The following CFAP20DC variants were observed in gnomAD, a reference collection of about 807,000 sequenced individuals.
CFAP20DC encodes CFAP20 domain containing, also known as protein CFAP20DC.
In CFAP20DC, 84 loss-of-function variants were observed where a neutral mutation model predicts 101.7. The observed-to-expected ratio is 0.83, with a 90% CI of 0.69 to 0.99. The LOEUF (loss-of-function observed/expected upper bound fraction) is 0.99, where lower values mean the gene tolerates loss of function less well. Among genes scored for constraint, CFAP20DC ranks in the 50% least tolerant of loss-of-function variants. CFAP20DC has a pLI of 0.00. For synonymous variants in CFAP20DC, 359 were observed against 351.2 expected, an observed-to-expected ratio of 1.02 and a Z score of -0.25; for missense variants, 1,007 against 970.3, an observed-to-expected ratio of 1.04 and a Z score of -0.50.
chr3:59,038,068 G>A (rs988638090), intron 4 of CFAP20DC, among the ~76,000 whole-genome samples: 5 of 152,042 alleles, frequency 3.3e-5, no homozygotes, highest in African/African-American at 1.2e-4. Context: ...TAAGTAAGAG[G>A]TGAACAATGA....
At position 58,971,442 on chromosome 3, in the gene CFAP20DC, T is replaced by C. The variant is rs1156694608; in HGVS notation, c.279-33680A>G. On this transcript the variant is annotated intron_variant, in intron 4 of 16. Coordinates refer to ENST00000482387, the MANE Select transcript of CFAP20DC (RefSeq NM_001394063.1). The surrounding 1 kb of genome is among the most constrained non-coding windows in gnomAD (Gnocchi z 4.1). ...GACATTCACTCTTTAGATCTTTCTA[T>C]CCTTCCTCACCTATGCTCTCCAGAA... Among the ~76,000 whole-genome samples the C allele has an allele frequency of 6.6e-6, 1 of 152,194 alleles. No individual in the cohort carries two copies. Among genetic ancestry groups the C allele is most frequent in the Non-Finnish European group, 1.5e-5 (1 of 68,030 alleles).
At position 58,722,347 on chromosome 3, in the gene CFAP20DC, T is replaced by A. The variant is rs2067484630; in HGVS notation, c.198-4719A>T. Among the ~76,000 whole-genome samples the A allele has an allele frequency of 6.6e-6, 1 of 152,088 alleles. No homozygotes were observed. Among genetic ancestry groups the A allele is most frequent in the African/African-American group, 2.4e-5 (1 of 41,396 alleles). ...CATGCGTGTACTACTATGGTAGTGGTCTTATATCACTCAAGTTTGGGGTGG... is the reference window on the plus strand; with the variant it reads ...CATGCGTGTACTACTATGGTAGTGGACTTATATCACTCAAGTTTGGGGTGG... On this transcript the variant is annotated intron_variant, in intron 3 of 3. Coordinates refer to the CFAP20DC transcript ENST00000486145. This position sits in a 1 kb window ranked among gnomAD's most constrained non-coding sequence, Gnocchi z 4.5.
At chr3:58,784,105 T>C (rs2072100774) in intron 15 of CFAP20DC, among the ~76,000 whole-genome samples, 1 of 151,794 alleles carries the variant, frequency 6.6e-6, no homozygotes, top group African/African-American at 2.4e-5. Context: ...GCGGCAGCAG[T>C]GTGATCTTGT....
At chr3:58,878,329 C>G (rs560609487) in intron 7 of CFAP20DC, among the ~76,000 whole-genome samples, 25 of 152,134 alleles carry the variant, frequency 1.6e-4, no homozygotes, top group Non-Finnish European at 3.2e-4. Context: ...ATCTCTTTCT[C>G]CTCTGAACTG....
rs765042090 is a variant in CFAP20DC, at chr3:58,912,733, G to T, written c.550+975C>A. ...TGTGCTACCTTATGAATTCCAGGGA[G>T]CTGAGTTACCTGCAGAGTATATTTA... On this transcript the variant is annotated intron_variant, in intron 6 of 16. Coordinates refer to ENST00000482387, the MANE Select transcript of CFAP20DC (RefSeq NM_001394063.1). The surrounding 1 kb of genome is among the most constrained non-coding windows in gnomAD (Gnocchi z 4.4). The T allele has an allele frequency of 2.2e-6, 1 of 456,406 alleles. No homozygotes were observed. The highest frequency in any genetic ancestry group is 1.6e-5 in the South Asian group (1 of 64,498). 28.3% of individuals were successfully genotyped at this position (456,406 alleles called of 1,614,324 possible).
rs572764337 is a variant in CFAP20DC at position 58,742,680 on chromosome 3, T to C, written c.2333-108A>G. 5.0e-5 allele frequency: 34 copies of C among 684,832 alleles called. No individual in the cohort carries two copies. In the African/African-American group the frequency reaches 6.0e-4, roughly 12 times the overall value. 42.4% of individuals were successfully genotyped at this position (684,832 alleles called of 1,614,324 possible). ...CATCTCTCCTGGGGGATTTTCTTTA[T>C]GCAGGTAGAAGGTTTAGGCCTGAAG... On this transcript the variant is annotated intron_variant, in intron 16 of 16. Coordinates refer to ENST00000482387, the MANE Select transcript of CFAP20DC (RefSeq NM_001394063.1).
rs2075139803 is a variant in CFAP20DC at position 58,816,383 on chromosome 3, G to T, written c.2176-9927C>A. On this transcript the variant is annotated intron_variant, in intron 14 of 16. Coordinates refer to ENST00000482387, the MANE Select transcript of CFAP20DC (RefSeq NM_001394063.1). The stretch of plus-strand genomic sequence containing the variant: ...TCTGCATTTCCATCTGAGGTACCGG[G>T]TTTATCTCACTAGGGAGTGCCAGAC... 2.0e-5 allele frequency among the ~76,000 whole-genome samples: 3 copies of T among 152,164 alleles called. No homozygotes were observed. The South Asian group carries it at 6.2e-4, about 32-fold the overall frequency.
intron 14 of CFAP20DC, among the ~76,000 whole-genome samples, chr3:58,816,635 T>C (rs1214451784): frequency 6.6e-6 from 1 of 151,880 alleles, no homozygotes; most frequent in Non-Finnish European, 1.5e-5. Context: ...GGCTCGAGGG[T>C]CCTACGCCCA....
chr3:58,975,700 T>A (rs1215752962), intron 4 of CFAP20DC, among the ~76,000 whole-genome samples: 1 of 152,228 alleles, frequency 6.6e-6, no homozygotes, highest in Non-Finnish European at 1.5e-5. Context: ...TTATGCTCAT[T>A]TCTTTTACTG....
chr3:58,720,309 C>T (rs146422796), intron 3 of CFAP20DC, among the ~76,000 whole-genome samples: 131 of 152,320 alleles, frequency 8.6e-4, no homozygotes, highest in African/African-American at 3.0e-3. Flanking sequence ...TTTAAGTTCT[C>T]TGAGCCTCAG....
intron 3 of CFAP20DC, among the ~76,000 whole-genome samples, chr3:59,044,649 A>C (rs1699695570): frequency 6.6e-6 from 1 of 152,130 alleles, no homozygotes; most frequent in Non-Finnish European, 1.5e-5. Context: ...TAGAGAAGGA[A>C]TCTATCTCAG....
chr3:58,812,419 A>G (rs1396255260), intron 14 of CFAP20DC, among the ~76,000 whole-genome samples: 1 of 152,058 alleles, frequency 6.6e-6, no homozygotes, highest in Non-Finnish European at 1.5e-5. Flanking sequence ...CATGGATGAA[A>G]TTGGAAATCA....
chr3:58,809,605 G>C (rs945274619), intron 14 of CFAP20DC, among the ~76,000 whole-genome samples: 2 of 152,094 alleles, frequency 1.3e-5, no homozygotes, highest in Non-Finnish European at 2.9e-5. Flanking sequence ...AAGCAGGAAA[G>C]ATCCAAAATT....
intron 16 of CFAP20DC, among the ~76,000 whole-genome samples, chr3:58,750,230 C>A (rs1692012281): frequency 6.6e-6 from 1 of 152,140 alleles, no homozygotes; most frequent in Admixed American, 6.5e-5. Context: ...TGGCCTGGGG[C>A]AAGTTTTCTA....
At chr3:58,744,627 A>G (rs1257094853) in intron 16 of CFAP20DC, among the ~76,000 whole-genome samples, 2 of 152,102 alleles carry the variant, frequency 1.3e-5, no homozygotes, top group East Asian at 3.9e-4. Context: ...TCCAGAAAAG[A>G]GAAAGCTTGA....
At chr3:58,745,963 C>T (rs963143532) in intron 16 of CFAP20DC, among the ~76,000 whole-genome samples, 10 of 152,156 alleles carry the variant, frequency 6.6e-5, no homozygotes, top group African/African-American at 2.4e-4. Flanking sequence ...CACATGTACA[C>T]AGTAAGTACT....
chr3:58,905,251 CT>C (rs2083483292), intron 6 of CFAP20DC, among the ~76,000 whole-genome samples: 1 of 151,344 alleles, frequency 6.6e-6, no homozygotes, highest in South Asian at 2.1e-4. Context: ...TCTCCTCTGT[CT>C]TCCTTTTACT....
chr3:59,000,394 C>A (rs1041292946), intron 4 of CFAP20DC, among the ~76,000 whole-genome samples: 1 of 152,008 alleles, frequency 6.6e-6, no homozygotes, highest in Non-Finnish European at 1.5e-5. Context: ...CTTTAGCAGT[C>A]GAATCTAGCT....
intron 14 of CFAP20DC, among the ~76,000 whole-genome samples, chr3:58,815,890 G>T (rs1477232344): frequency 6.6e-6 from 1 of 151,296 alleles, no homozygotes; most frequent in Non-Finnish European, 1.5e-5. Flanking sequence ...GGAGAAATAG[G>T]AACACTTTTA....
Sources: allele counts gnomAD v4.1 joint callset (sites outside exome capture counted in the v4.1 genomes callset), GRCh38; gene constraint gnomAD v4.1.1; non-coding constraint Gnocchi (gnomAD v3.1); transcripts MANE v1.5; gene names NCBI Gene and HGNC (gene_info 2026-07-23, HGNC 2026-07-21).